Variants in SIGLECL1 observed in about 807,000 individuals in gnomAD.
The protein encoded by SIGLECL1 is SIGLEC family like 1, also known as SIGLEC family-like protein 1.
In SIGLECL1, 16 loss-of-function variants were observed where a neutral mutation model predicts 19.1. The ratio of observed to expected loss-of-function variants is 0.84; its 90% CI spans 0.57 to 1.27. The LOEUF is 1.27. Among genes scored for constraint, SIGLECL1 ranks in the 50% most tolerant of loss-of-function variants. SIGLECL1 has a pLI of 0.00. For synonymous variants in SIGLECL1, 89 were observed against 90.4 expected (o/e 0.98, Z 0.09); for missense variants, 210 against 239.4 (o/e 0.88, Z 0.81).
rs535284214 is a variant in SIGLECL1, at chr19:51,264,345, G to A, written c.22+251G>A. The A allele has an allele frequency of 4.1e-5, 18 of 443,430 alleles. No individual in the cohort carries two copies. The South Asian group carries it at 5.2e-4, about 13-fold the overall frequency. The allele number at this position is 443,430 out of a possible 1,614,324, so 27.5% of individuals were successfully genotyped here. A position where few individuals can be genotyped will look rare whatever the true frequency, so the allele number is the denominator to read the frequency against. On this transcript the variant is annotated intron_variant, in intron 2 of 5. Coordinates refer to ENST00000601727, the MANE Select transcript of SIGLECL1 (RefSeq NM_001385465.1). Reference sequence around the variant, plus strand: ...GTGTAGGTGCTATGAAGGCATGAGAGCACTAGGAGCTGTTTCAGACATTAC... The same window carrying A: ...GTGTAGGTGCTATGAAGGCATGAGAACACTAGGAGCTGTTTCAGACATTAC...
chr19:51,265,652 G>A lies in SIGLECL1; in HGVS notation c.304+3G>A, dbSNP rs1432072531. ...TTTGAGCATCCTACTGATGTCAAGT[G>A]AGGGTGGAGGGGGCTCGGTGACTGG... On this transcript the variant is annotated splice_donor_region_variant and intron_variant, in intron 3 of 5. Transcript: ENST00000601727. The A allele has an allele frequency of 6.2e-7, 1 of 1,612,180 alleles. No individual in the cohort carries two copies. Among genetic ancestry groups the A allele is most frequent in the African/African-American group, 1.3e-5 (1 of 75,024 alleles).
intron 1 of SIGLECL1, among the ~76,000 whole-genome samples, chr19:51,258,217 A>T (rs1227064055): frequency 1.3e-5 from 2 of 152,164 alleles, no homozygotes; most frequent in African/African-American, 4.8e-5. Context: ...GGGATCCTTG[A>T]TATCTTCAGT....
intron 1 of SIGLECL1, among the ~76,000 whole-genome samples, chr19:51,259,023 T>G (rs901991403): frequency 6.6e-6 from 1 of 152,184 alleles, no homozygotes; most frequent in African/African-American, 2.4e-5. Flanking sequence ...CAAAAGGGCC[T>G]GGGTTGCTTG....
At chr19:51,264,137 C>T (rs750571529) in intron 2 of SIGLECL1, 43 bp downstream of exon 2, 1 of 1,612,648 alleles carries the variant, frequency 6.2e-7, no homozygotes, top group South Asian at 1.1e-5. Flanking sequence ...GTTTGGAAGC[C>T]AAGACTCCAG....
intron 4 of SIGLECL1, among the ~76,000 whole-genome samples, chr19:51,266,297 G>A (rs377680656): frequency 2.6e-5 from 4 of 152,108 alleles, no homozygotes; most frequent in African/African-American, 7.2e-5. Context: ...TCGAGGCACC[G>A]ACATAATGCC....
At position 51,265,831 on chromosome 19, in the gene SIGLECL1, T is replaced by C. The variant is rs1207338832; in HGVS notation, c.359T>C (p.Ile120Thr). Reference protein sequence around the residue: ...AFVKGLIQGAIYAGIVIALLF... With the variant: ...AFVKGLIQGATYAGIVIALLF... ...GTGAAAGGGCTGATCCAGGGTGCTA[T>C]CTATGCGGGAATTGTAATTGCGCTG... is the stretch of plus-strand genomic sequence containing the variant. Residue 120 changes from isoleucine (I) to threonine (T), a missense_variant, in exon 4 of 6, where the codon ATC becomes ACC. Ile to Thr is a moderately conservative substitution (Grantham distance 89). Coordinates refer to ENST00000601727, the MANE Select transcript of SIGLECL1 (RefSeq NM_001385465.1). The C allele has an allele frequency of 2.5e-6, 4 of 1,614,146 alleles. No homozygotes were observed. Among genetic ancestry groups the C allele is most frequent in the Non-Finnish European group, 3.4e-6 (4 of 1,180,020 alleles).
chr19:51,263,168 T>G (rs1264447771), intron 1 of SIGLECL1, among the ~76,000 whole-genome samples: 1 of 152,196 alleles, frequency 6.6e-6, no homozygotes, highest in African/African-American at 2.4e-5. Context: ...AATTGATCAT[T>G]TTTTTGAGAC....
chr19:51,263,496 G>C (rs562324308), intron 1 of SIGLECL1, among the ~76,000 whole-genome samples: 16 of 152,240 alleles, frequency 1.1e-4, no homozygotes, highest in Middle Eastern at 3.4e-3. Context: ...AACAAACCGG[G>C]CATAGTGGCT....
At chr19:51,248,997 C>T (rs2123362857), upstream of SIGLECL1, among the ~76,000 whole-genome samples, 1 of 152,176 alleles carries the variant, frequency 6.6e-6, no homozygotes, top group East Asian at 1.9e-4. Context: ...ATTGGGAGAG[C>T]TCAAGTTCAT....
chr19:51,249,582 C>T (rs1982374633), upstream of SIGLECL1, among the ~76,000 whole-genome samples: 2 of 152,164 alleles, frequency 1.3e-5, no homozygotes, highest in Admixed American at 1.3e-4. Flanking sequence ...GAGGTGGAGA[C>T]TGTTGTAATA....
At chr19:51,254,693 G>A (rs1982696829) in intron 1 of SIGLECL1, among the ~76,000 whole-genome samples, 1 of 152,070 alleles carries the variant, frequency 6.6e-6, no homozygotes, top group Non-Finnish European at 1.5e-5. Flanking sequence ...TTTTAGGGAG[G>A]TGATGAAAGT....
chr19:51,258,402 G>A (rs1466563695), intron 1 of SIGLECL1, among the ~76,000 whole-genome samples: 6 of 152,202 alleles, frequency 3.9e-5, no homozygotes, highest in African/African-American at 7.2e-5. Flanking sequence ...TCACCTGTGC[G>A]TATAGAAATG....
upstream of SIGLECL1, among the ~76,000 whole-genome samples, chr19:51,247,822 A>G (rs1982316055): frequency 6.6e-6 from 1 of 152,246 alleles, no homozygotes; most frequent in African/African-American, 2.4e-5. Context: ...TAGTGTCTCA[A>G]GGGTCTCAAG....
intron 2 of SIGLECL1, 28 bp downstream of exon 2, chr19:51,264,122 G>C: frequency 1.2e-6 from 2 of 1,613,698 alleles, no homozygotes; most frequent in Non-Finnish European, 1.7e-6. Flanking sequence ...CAGCACTGGA[G>C]GTGTGTTTGG....
At chr19:51,250,103 T>A (rs1334798484), upstream of SIGLECL1, among the ~76,000 whole-genome samples, 3 of 151,864 alleles carry the variant, frequency 2.0e-5, no homozygotes, top group Admixed American at 6.6e-5. Context: ...TTTTTTCCTT[T>A]TGAGTCAGAG....
chr19:51,248,315 G>C (rs1982331585), upstream of SIGLECL1, among the ~76,000 whole-genome samples: 1 of 152,128 alleles, frequency 6.6e-6, no homozygotes, highest in Non-Finnish European at 1.5e-5. Context: ...CAATCTATGA[G>C]CCTTATGTGA....
At chr19:51,249,591 T>C (rs1982375413), upstream of SIGLECL1, among the ~76,000 whole-genome samples, 1 of 152,164 alleles carries the variant, frequency 6.6e-6, no homozygotes, top group South Asian at 2.1e-4. Flanking sequence ...ACTGTTGTAA[T>C]AGGGAGTGGA....
chr19:51,262,872 C>CTATGTATGTATG (rs140962847), intron 1 of SIGLECL1, among the ~76,000 whole-genome samples: 11 of 151,850 alleles, frequency 7.2e-5, no homozygotes, highest in African/African-American at 2.7e-4. Context: ...CTATGAATTA[C>CTATGTATGTATG]TATGTATGTA....
rs1471762660 is a variant in SIGLECL1 at position 51,267,526 on chromosome 19, A to G, written c.564A>G (p.Ile188Met). The change falls in exon 5 of 6, where the codon ATA (isoleucine) becomes ATG (methionine). Residue 188 changes from isoleucine (I) to methionine (M), a missense_variant. Transcript: ENST00000601727. ...TCGCCACATTTTCTGAGAGCCGGAT[A>G]TTGGTATGTACCTATTGTGTCTGGA... ...PVVATFSESRILEKQDKRAS is the reference protein window; with the variant it reads ...PVVATFSESRMLEKQDKRAS 6.2e-7 allele frequency: 1 copy of G among 1,614,026 alleles called. No individual in the cohort carries two copies. The highest frequency in any genetic ancestry group is 8.5e-7 in the Non-Finnish European group (1 of 1,180,018).
Sources: allele counts gnomAD v4.1 joint callset (sites outside exome capture counted in the v4.1 genomes callset), GRCh38; gene constraint gnomAD v4.1.1; transcripts MANE v1.5; gene names NCBI Gene and HGNC (gene_info 2026-07-23, HGNC 2026-07-21).